Variants in C5 observed in about 807,000 individuals in gnomAD.
C5 encodes the protein complement C5, also known as C3 and PZP-like alpha-2-macroglobulin domain-containing protein 4.
In C5, 140 loss-of-function variants were observed where a neutral mutation model predicts 218.8. The observed-to-expected ratio is 0.64, with a 90% CI of 0.56 to 0.74. The LOEUF is 0.74. Among genes scored for constraint, C5 ranks in the 30% least tolerant of loss-of-function variants. The pLI, the probability that C5 is intolerant of heterozygous loss-of-function variation, is 0.00. For missense variants in C5, 1,700 were observed against 1,969.6 expected, an observed-to-expected ratio of 0.86 and a Z score of 2.59; for synonymous variants, 614 against 682.3, an observed-to-expected ratio of 0.90 and a Z score of 1.56.
At chr9:121,029,966 C>G (rs1443609601) in intron 7 of C5, among the ~76,000 whole-genome samples, 1 of 152,174 alleles carries the variant, frequency 6.6e-6, no homozygotes, top group Non-Finnish European at 1.5e-5. Context: ...CTGACACCAG[C>G]CTGGCCCAGA....
chr9:121,029,315 C>T (rs908003040), intron 7 of C5, among the ~76,000 whole-genome samples: 1 of 152,136 alleles, frequency 6.6e-6, no homozygotes, highest in African/African-American at 2.4e-5. Context: ...AATAAGAGAG[C>T]TAGCATAGGG....
intron 17 of C5, 27 bp from the exon 18 acceptor site, chr9:121,008,525 T>C (rs543232281): frequency 9.3e-6 from 14 of 1,499,270 alleles, no homozygotes; most frequent in South Asian, 1.1e-5. Flanking sequence ...TATTCAATTA[T>C]GGAAAAACAA....
intron 6 of C5, among the ~76,000 whole-genome samples, chr9:121,031,067 C>T (rs1329422083): frequency 3.3e-5 from 5 of 151,954 alleles, no homozygotes; most frequent in Admixed American, 3.3e-4. Flanking sequence ...TTCATCATAA[C>T]GAATTTGTTT....
Position 121,037,969 on chromosome 9 carries a change from A to G in C5, c.422-18T>C. On this transcript the variant is annotated intron_variant, in intron 3 of 40. Transcript: ENST00000223642. Reference sequence around the variant, plus strand: ...AACTTTTACTGTAAGAATAATTGATATAATCAAAAACTCTGCTAAAAACAA... The same window carrying G: ...AACTTTTACTGTAAGAATAATTGATGTAATCAAAAACTCTGCTAAAAACAA... The G allele has an allele frequency of 8.2e-7, 1 of 1,225,796 alleles. No homozygotes were observed. 75.9% of individuals were successfully genotyped at this position (1,225,796 alleles called of 1,614,324 possible).
chr9:121,023,900 C>T (rs1014838700), intron 9 of C5, among the ~76,000 whole-genome samples: 2 of 151,296 alleles, frequency 1.3e-5, no homozygotes, highest in African/African-American at 2.4e-5. Flanking sequence ...CTGAGCCTTA[C>T]AGAAGTGGAG....
In C5 at chr9:120,988,957, C is replaced by A; in HGVS notation, c.3230+89G>T. On this transcript the variant is annotated intron_variant, in intron 25 of 40. Coordinates refer to ENST00000223642, the MANE Select transcript of C5 (RefSeq NM_001735.3). ...AGGATGACGAGGCTTTTAGCCTGAGCAACTGGAGGAATGGAGTTTCCATTA... is the reference window on the plus strand; with the variant it reads ...AGGATGACGAGGCTTTTAGCCTGAGAAACTGGAGGAATGGAGTTTCCATTA... 8 of 949,556 alleles carry A rather than the reference C, an allele frequency of 8.4e-6. No individual in the cohort carries two copies. The South Asian group carries it at 1.0e-4, about 12-fold the overall frequency. The allele number at this position is 949,556 out of a possible 1,614,324, so 58.8% of individuals were successfully genotyped here.
At chr9:120,955,362 G>T (rs1025100386) in intron 39 of C5, among the ~76,000 whole-genome samples, 4 of 152,142 alleles carry the variant, frequency 2.6e-5, no homozygotes, top group Admixed American at 2.0e-4. Flanking sequence ...ATTGTAGCTT[G>T]GGAACCATCC....
intron 4 of C5, among the ~76,000 whole-genome samples, chr9:121,036,313 TA>T (rs2047524141): frequency 6.6e-6 from 1 of 152,200 alleles, no homozygotes; most frequent in Admixed American, 6.5e-5. Context: ...TCCTCTATAT[TA>T]ACTCCTTAAG....
intron 25 of C5, among the ~76,000 whole-genome samples, chr9:120,983,338 T>C (rs41311901): frequency 6.6e-6 from 1 of 152,170 alleles, no homozygotes; most frequent in Non-Finnish European, 1.5e-5. Context: ...CATTATTACT[T>C]AGTCAAAAAG....
Position 121,006,923 on chromosome 9 carries a change from G to A in C5, c.2403C>T (p.Gly801=), listed in dbSNP as rs200638263. 15 of 1,610,892 alleles carry A rather than the reference G, an allele frequency of 9.3e-6. No individual in the cohort carries two copies. Among genetic ancestry groups the A allele is most frequent in the Middle Eastern group, 1.7e-4 (1 of 6,052 alleles). The part of the protein sequence containing the change: ...PDSLTTWEIQ[G]VGISNTGICV... ...GCTTACCAGTGTTTGAAATGCCAAC[G>A]CCTTGAATTTCCCAGGTGGTTAGAG... Residue 801 remains glycine, a synonymous_variant, in exon 19 of 41, where the codon GGC becomes GGT. Coordinates refer to ENST00000223642, the MANE Select transcript of C5 (RefSeq NM_001735.3).
At position 120,989,748 on chromosome 9, in the gene C5, G is replaced by T; in HGVS notation, c.2974C>A (p.Leu992Ile). 1 of 1,613,978 alleles carries T rather than the reference G, an allele frequency of 6.2e-7. No individual in the cohort carries two copies. Among genetic ancestry groups the T allele is most frequent in the Non-Finnish European group, 8.5e-7 (1 of 1,179,970 alleles). The change falls in exon 24 of 41, where the codon CTA (leucine) becomes ATA (isoleucine). Residue 992 changes from leucine to isoleucine, a missense_variant. Leu to Ile is a conservative substitution (Grantham distance 5). Coordinates refer to ENST00000223642, the MANE Select transcript of C5 (RefSeq NM_001735.3). ...LLVGEILSAV[L>I]SQEGINILTH... Reference sequence around the variant, plus strand: ...AGGATATTGATGCCTTCCTGACTTAGAACTGCAGACAAGATCTCACCTACA... The same window carrying T: ...AGGATATTGATGCCTTCCTGACTTATAACTGCAGACAAGATCTCACCTACA...
intron 24 of C5, among the ~76,000 whole-genome samples, 158 bp downstream of exon 24, chr9:120,989,410 C>T (rs2047058972): frequency 6.6e-6 from 1 of 152,098 alleles, no homozygotes; most frequent in Admixed American, 6.5e-5. Context: ...CAAAATGCTA[C>T]AGAAATAATA....
chr9:121,008,398 A>G lies in C5; in HGVS notation c.2348+10T>C, dbSNP rs373821030. ...ATTTCTTTCAAGGAAACATGAAAGA[A>G]GTATAATACCTTCTGGGAACAAGAT... On this transcript the variant is annotated intron_variant, in intron 18 of 40. Transcript: ENST00000223642. 7 of 1,593,180 alleles carry G rather than the reference A, an allele frequency of 4.4e-6. No homozygotes were observed. The African/African-American group carries it at 9.4e-5, about 21-fold the overall frequency.
intron 25 of C5, among the ~76,000 whole-genome samples, chr9:120,983,364 A>G (rs537706349): frequency 2.0e-5 from 3 of 152,212 alleles, no homozygotes; most frequent in Middle Eastern, 3.4e-3. Context: ...TCAAGTCTCT[A>G]CTAATACCCA....
intron 39 of C5, among the ~76,000 whole-genome samples, chr9:120,955,160 C>T (rs1298651964): frequency 6.6e-6 from 1 of 152,152 alleles, no homozygotes; most frequent in Non-Finnish European, 1.5e-5. Flanking sequence ...CTTATGGTCA[C>T]TGTGCCACAA....
chr9:121,040,620 TAG>T (rs2131814316), intron 3 of C5, among the ~76,000 whole-genome samples: 2 of 152,352 alleles, frequency 1.3e-5, no homozygotes, highest in African/African-American at 4.8e-5. Flanking sequence ...AACACTTTCC[TAG>T]TGCTTACTGT....
intron 30 of C5, among the ~76,000 whole-genome samples, chr9:120,973,319 C>T (rs1225235932): frequency 6.6e-6 from 1 of 152,150 alleles, no homozygotes; most frequent in African/African-American, 2.4e-5. Context: ...TCAAGAGATC[C>T]TTCTTAGAGC....
intron 31 of C5, among the ~76,000 whole-genome samples, chr9:120,971,137 A>T (rs1280432423): frequency 1.4e-5 from 2 of 147,038 alleles, no homozygotes; most frequent in Non-Finnish European, 3.0e-5. Context: ...GCACCACTGC[A>T]CTCTAGCCTG....
chr9:121,016,373 A>G lies in C5; in HGVS notation c.1877T>C (p.Phe626Ser). 1 of 1,614,054 alleles carries G rather than the reference A, an allele frequency of 6.2e-7. No homozygotes were observed. Among genetic ancestry groups the G allele is most frequent in the South Asian group, 1.1e-5 (1 of 91,086 alleles). ...AKKPLERVFQ[F>S]LEKSDLGCGA... is the part of the protein sequence containing the mutation. Reference sequence around the variant, plus strand: ...ACAGCCCAGATCACTCTTCTCTAAGAATTGAAATACCTGTCCAGAAAGGCA... The same window carrying G: ...ACAGCCCAGATCACTCTTCTCTAAGGATTGAAATACCTGTCCAGAAAGGCA... Residue 626 changes from phenylalanine to serine, a missense_variant, in exon 15 of 41, where the codon TTC becomes TCC. Transcript: ENST00000223642.
Sources: allele counts gnomAD v4.1 joint callset (sites outside exome capture counted in the v4.1 genomes callset), GRCh38; gene constraint gnomAD v4.1.1; transcripts MANE v1.5; gene names NCBI Gene and HGNC (gene_info 2026-07-23, HGNC 2026-07-21).